ARHGAP26: variants seen among roughly 807,000 people sequenced by gnomAD.
The protein encoded by ARHGAP26 is Rho GTPase activating protein 26, also known as rho GTPase-activating protein 26.
Under a neutral mutation model 104.8 loss-of-function variants are expected in ARHGAP26, and 38 were observed. That is an observed-to-expected ratio of 0.36 (90% confidence interval 0.28 to 0.48). The LOEUF is 0.48. Among genes scored for constraint, ARHGAP26 ranks in the 20% least tolerant of loss-of-function variants. The pLI, the probability that ARHGAP26 is intolerant of heterozygous loss-of-function variation, is 0.99. For synonymous variants in ARHGAP26, 341 were observed against 340.0 expected (o/e 1.00, Z -0.03); for missense variants, 704 against 947.9 (o/e 0.74, Z 3.38).
chr5:142,790,087 A>T (rs921542496), intron 1 of ARHGAP26, among the ~76,000 whole-genome samples: 1 of 152,216 alleles, frequency 6.6e-6, no homozygotes, highest in Middle Eastern at 3.2e-3. Context: ...GTTAGCTTTG[A>T]ACAAGATTAA....
intron 20 of ARHGAP26, among the ~76,000 whole-genome samples, chr5:143,185,449 A>G (rs896887409): frequency 6.6e-6 from 1 of 152,096 alleles, no homozygotes; most frequent in Non-Finnish European, 1.5e-5. Flanking sequence ...GTTATGGGGC[A>G]TCCCTCCTTT....
intron 17 of ARHGAP26, among the ~76,000 whole-genome samples, chr5:143,109,131 G>A (rs1794450207): frequency 1.3e-5 from 2 of 152,194 alleles, no homozygotes; most frequent in Admixed American, 1.3e-4. Flanking sequence ...GCTGATCATG[G>A]GTGGCTATTA....
intron 10 of ARHGAP26, among the ~76,000 whole-genome samples, chr5:142,927,691 A>T (rs1439562847): frequency 6.6e-6 from 1 of 152,190 alleles, no homozygotes; most frequent in African/African-American, 2.4e-5. Context: ...GTATATATGT[A>T]GAGGTAGAAT....
intron 1 of ARHGAP26, among the ~76,000 whole-genome samples, chr5:142,804,198 A>G (rs886730919): frequency 6.6e-6 from 1 of 152,186 alleles, no homozygotes; most frequent in Non-Finnish European, 1.5e-5. Context: ...ACCTACAAAA[A>G]ACGACAGTTT....
At chr5:142,787,523 A>T (rs73795922) in intron 1 of ARHGAP26, among the ~76,000 whole-genome samples, 1,546 of 152,282 alleles carry the variant, frequency 0.01, 27 homozygotes, top group African/African-American at 0.036. Flanking sequence ...CGTGGATAAG[A>T]TGGATGGCTT....
chr5:143,142,202 G>A (rs982019828), intron 19 of ARHGAP26, among the ~76,000 whole-genome samples: 22 of 142,272 alleles, frequency 1.5e-4, no homozygotes, highest in Admixed American at 6.6e-4. Flanking sequence ...GCAGTGGCAC[G>A]ATCTTGGCTC....
intron 17 of ARHGAP26, among the ~76,000 whole-genome samples, chr5:143,105,100 G>T (rs1793800232): frequency 6.6e-6 from 1 of 152,198 alleles, no homozygotes; most frequent in Admixed American, 6.5e-5. Context: ...AATCGGCTGG[G>T]TGTGGTGGCT....
chr5:143,058,191 C>G, intron 17 of ARHGAP26: 1 of 413,488 alleles, frequency 2.4e-6, no homozygotes, highest in Non-Finnish European at 4.7e-6. Flanking sequence ...TGCTGCTTAA[C>G]CAGCCCTGAA....
intron 6 of ARHGAP26, among the ~76,000 whole-genome samples, chr5:142,896,280 A>G (rs1220348561): frequency 6.6e-6 from 1 of 152,216 alleles, no homozygotes. Context: ...TAATCTTTAT[A>G]TATACTTCGA....
chr5:143,201,414 AG>A (rs1807703432), intron 20 of ARHGAP26, among the ~76,000 whole-genome samples: 1 of 152,224 alleles, frequency 6.6e-6, no homozygotes, highest in East Asian at 1.9e-4. Context: ...TTAGTGGGAA[AG>A]GGGTTGCAAA....
intron 11 of ARHGAP26, among the ~76,000 whole-genome samples, chr5:142,991,130 C>G (rs1002330214): frequency 6.6e-6 from 1 of 152,178 alleles, no homozygotes; most frequent in Non-Finnish European, 1.5e-5. Context: ...GCTTCCTGGC[C>G]GCTTTGTTTA....
At chr5:143,161,381 C>T (rs1327883032) in intron 20 of ARHGAP26, among the ~76,000 whole-genome samples, 1 of 152,088 alleles carries the variant, frequency 6.6e-6, no homozygotes, top group Non-Finnish European at 1.5e-5. Context: ...CATTGAGCAG[C>T]TACTCATGAA....
At chr5:142,889,989 G>A (rs185829729) in intron 5 of ARHGAP26, among the ~76,000 whole-genome samples, 1,795 of 150,278 alleles carry the variant, frequency 0.012, 37 homozygotes, top group African/African-American at 0.042. Flanking sequence ...TACAAAATTG[G>A]CCGGGCATGG....
chr5:143,037,300 G>A (rs1179654207), intron 13 of ARHGAP26, 39 bp downstream of exon 13: 1 of 1,531,066 alleles, frequency 6.5e-7, no homozygotes, highest in Admixed American at 1.7e-5. Context: ...CTCATAGAAG[G>A]TCACGCATCT....
At chr5:143,201,249 C>A (rs1807671082) in intron 20 of ARHGAP26, among the ~76,000 whole-genome samples, 1 of 152,190 alleles carries the variant, frequency 6.6e-6, no homozygotes, top group Non-Finnish European at 1.5e-5. Flanking sequence ...GGGGGCCTGG[C>A]AGGACCCCAG....
rs538732753 is a variant in ARHGAP26 at position 142,799,168 on chromosome 5, A to C, written c.154+28253A>C. 2.0e-3 allele frequency among the ~76,000 whole-genome samples: 303 copies of C among 152,050 alleles called. 3 individuals carry two copies. Among genetic ancestry groups the C allele is most frequent in the Non-Finnish European group, 2.0e-3 (138 of 67,972 alleles). On this transcript the variant is annotated intron_variant, in intron 1 of 22. Coordinates refer to ENST00000645722, the MANE Select transcript of ARHGAP26 (RefSeq NM_001135608.3). ...ATTCACTCTTATAGCGGTGAATGGT[A>C]TTAGGAGTAACAACTGTGGTGGGTT...
intron 20 of ARHGAP26, among the ~76,000 whole-genome samples, chr5:143,155,439 C>G (rs768626978): frequency 2.0e-5 from 3 of 152,190 alleles, no homozygotes; most frequent in African/African-American, 7.2e-5. Context: ...AGCTGGGCTT[C>G]CCTTGGTTGA....
At chr5:142,800,094 G>T (rs1761763017) in intron 1 of ARHGAP26, among the ~76,000 whole-genome samples, 1 of 152,182 alleles carries the variant, frequency 6.6e-6, no homozygotes, top group South Asian at 2.1e-4. Flanking sequence ...ACTTCCCATT[G>T]TCTGGCACAA....
In ARHGAP26 at chr5:142,932,011, A is replaced by G. The variant is rs773139401; in HGVS notation, c.1029-36A>G. On this transcript the variant is annotated intron_variant, in intron 10 of 22. Transcript: ENST00000645722. ...CTTCACCAATCTCTCTACATGTGGC[A>G]CTGGTTTCATATCCATGTCCCTCCT... is the stretch of plus-strand genomic sequence containing the variant. 62 of 1,593,662 alleles carry G rather than the reference A, an allele frequency of 3.9e-5. No individual in the cohort carries two copies. The Admixed American group carries it at 1.0e-3, about 26-fold the overall frequency.
Sources: gnomAD v4.1 joint callset for allele counts (sites outside exome capture counted in the v4.1 genomes callset) on GRCh38, gnomAD v4.1.1 for gene constraint, MANE v1.5 for transcripts, NCBI Gene and HGNC (gene_info 2026-07-23, HGNC 2026-07-21) for gene names.